PRKD2: variants seen among roughly 807,000 people sequenced by gnomAD.
PRKD2 encodes the protein serine/threonine-protein kinase D2.
Under a neutral mutation model 86.0 loss-of-function variants are expected in PRKD2, and 22 were observed. The ratio of observed to expected loss-of-function variants is 0.26; its 90% CI spans 0.18 to 0.37. The LOEUF (loss-of-function observed/expected upper bound fraction) is 0.37. Ranked by LOEUF, PRKD2 falls within the 10% of genes least tolerant of loss-of-function variation. The probability of loss-of-function intolerance (pLI) is 1.00; values close to 1 mark genes in which losing one functional copy is unlikely to be tolerated. For missense variants in PRKD2, 818 were observed against 1,199.2 expected, an observed-to-expected ratio of 0.68 and a Z score of 4.70; for synonymous variants, 509 against 510.9, an observed-to-expected ratio of 1.00 and a Z score of 0.05.
intron 16 of PRKD2, among the ~76,000 whole-genome samples, chr19:46,677,868 C>T (rs762604221): frequency 9.9e-5 from 15 of 152,160 alleles, no homozygotes; most frequent in African/African-American, 1.4e-4. Context: ...GTCACTGAAC[C>T]GACCCCAGGC....
At chr19:46,703,956 A>AC (rs1491035876) in intron 5 of PRKD2, among the ~76,000 whole-genome samples, 947 of 44,070 alleles carry the variant, frequency 0.021, 8 homozygotes, top group African/African-American at 0.096. Flanking sequence ...AAAAACAACA[A>AC]CAACACACAC....
chr19:46,710,831 C>A, intron 3 of PRKD2, 76 bp downstream of exon 3: 2 of 1,433,614 alleles, frequency 1.4e-6, no homozygotes, highest in Non-Finnish European at 9.3e-7. Flanking sequence ...ACGCTGTCCC[C>A]GTGCCAGGAC....
Position 46,697,205 on chromosome 19 carries a change from G to C in PRKD2, c.1269C>G (p.Cys423Trp). 6.3e-7 allele frequency: 1 copy of C among 1,599,798 alleles called. No individual in the cohort carries two copies. Among genetic ancestry groups the C allele is most frequent in the Non-Finnish European group, 8.6e-7 (1 of 1,167,268 alleles). ...TGTTCTGGAAGAGCGTGATACACTT[G>C]CAGTCCAGGCGCCAATAGTGCCGCT... ...LRKRHYWRLD[C>W]KCITLFQNNT... is the part of the protein sequence containing the mutation. Residue 423 changes from cysteine (C) to tryptophan (W), a missense_variant, in exon 9 of 18, where the codon TGC becomes TGG. Physicochemically the swap from Cys to Trp is radical, Grantham distance 215. Coordinates refer to ENST00000291281, the MANE Select transcript of PRKD2 (RefSeq NM_016457.5).
At chr19:46,684,397 C>T (rs1049134799) in intron 14 of PRKD2, among the ~76,000 whole-genome samples, 1 of 152,140 alleles carries the variant, frequency 6.6e-6, no homozygotes, top group Non-Finnish European at 1.5e-5. Flanking sequence ...CCTCGACTCA[C>T]CACAAATTCC....
intron 12 of PRKD2, 118 bp from the exon 13 acceptor site, chr19:46,690,824 G>T: frequency 1.1e-6 from 1 of 873,776 alleles, no homozygotes; most frequent in Non-Finnish European, 1.8e-6. Context: ...GAGTTGGGCA[G>T]AGTTGGAAGG....
At chr19:46,702,686 ATTT>A (rs201090562) in intron 5 of PRKD2, among the ~76,000 whole-genome samples, 1 of 147,936 alleles carries the variant, frequency 6.8e-6, no homozygotes, top group Admixed American at 6.8e-5. Context: ...AGGTTCTAGA[ATTT>A]TTTTTTTTCT....
intron 2 of PRKD2, among the ~76,000 whole-genome samples, chr19:46,711,406 GTGTT>G (rs2053807217): frequency 6.6e-6 from 1 of 152,048 alleles, no homozygotes; most frequent in Non-Finnish European, 1.5e-5. Flanking sequence ...TTTTTTGTTT[GTGTT>G]TGTTAGAGAG....
At chr19:46,679,243 T>C (rs2053259503) in intron 15 of PRKD2, among the ~76,000 whole-genome samples, 1 of 152,016 alleles carries the variant, frequency 6.6e-6, no homozygotes, top group African/African-American at 2.4e-5. Context: ...GGCAGGAGAA[T>C]CGCCTGAACC....
At chr19:46,711,832 C>T (rs2053813394) in intron 2 of PRKD2, among the ~76,000 whole-genome samples, 2 of 152,054 alleles carry the variant, frequency 1.3e-5, no homozygotes, top group African/African-American at 4.8e-5. Flanking sequence ...CTTTGGGAGG[C>T]CCAGGTGGGC....
intron 12 of PRKD2, 51 bp downstream of exon 12, chr19:46,691,684 A>G (rs1243383107): frequency 6.4e-7 from 1 of 1,565,264 alleles, no homozygotes; most frequent in Non-Finnish European, 8.8e-7. Flanking sequence ...GAGCCACAGC[A>G]GCTTCCCCCA....
In PRKD2 at chr19:46,700,688, G is replaced by A. The variant is rs574128486; in HGVS notation, c.1121+111C>T. ...TTTAAAAGGTTTGCCTCAGGAACTG[G>A]GAAAATTTATAAATATGAGGTGATG... On this transcript the variant is annotated intron_variant, in intron 7 of 17. Coordinates refer to ENST00000291281, the MANE Select transcript of PRKD2 (RefSeq NM_016457.5). The A allele has an allele frequency of 3.6e-6, 5 of 1,395,584 alleles. No homozygotes were observed. In the African/African-American group the frequency reaches 7.2e-5, roughly 20 times the overall value. The allele number at this position is 1,395,584 out of a possible 1,614,324, so 86.5% of individuals were successfully genotyped here.
Position 46,693,813 on chromosome 19 carries a change from C to A in PRKD2, c.1576+62G>T. ...CTTTCCTCTTTGGCCCTTCCATTCC[C>A]CAGAACCGTGCCCCACCCATCTAGA... On this transcript the variant is annotated intron_variant, in intron 10 of 17. Transcript: ENST00000291281. This position sits in a 1 kb window ranked among gnomAD's most constrained non-coding sequence, Gnocchi z 4.5. The A allele has an allele frequency of 6.5e-7, 1 of 1,527,460 alleles. No homozygotes were observed. The highest frequency in any genetic ancestry group is 8.8e-7 in the Non-Finnish European group (1 of 1,140,488). 94.6% of individuals were successfully genotyped at this position (1,527,460 alleles called of 1,614,324 possible).
intron 14 of PRKD2, among the ~76,000 whole-genome samples, chr19:46,687,821 T>C (rs2053423203): frequency 6.6e-6 from 1 of 152,178 alleles, no homozygotes. Context: ...GAGTGTTTGT[T>C]GACCAACTGA....
intron 9 of PRKD2, among the ~76,000 whole-genome samples, chr19:46,696,074 A>C (rs914426704): frequency 1.3e-5 from 2 of 152,120 alleles, no homozygotes; most frequent in African/African-American, 4.8e-5. Flanking sequence ...CATGATCTCA[A>C]GTGATCCGCC....
At chr19:46,713,404 A>G (rs900047801) in intron 2 of PRKD2, among the ~76,000 whole-genome samples, 19 of 151,856 alleles carry the variant, frequency 1.3e-4, no homozygotes, top group Non-Finnish European at 1.0e-4. Context: ...TCCCCCTTCT[A>G]ACTACTGCAC....
At position 46,674,658 on chromosome 19, in the gene PRKD2, G is replaced by A. The variant is rs138656141; in HGVS notation, c.2502C>T (p.Asp834=). 4.3e-4 allele frequency: 698 copies of A among 1,606,678 alleles called. 3 individuals are homozygous for A. The African/African-American group carries it at 8.4e-3, about 19-fold the overall frequency. Residue 834 remains aspartate (D), a synonymous_variant, in exon 18 of 18, where the codon GAC becomes GAT. Coordinates refer to ENST00000291281, the MANE Select transcript of PRKD2 (RefSeq NM_016457.5). ...GERYITHESD[D]ARWEQFAAEH... ...CTGCTGCAAACTGCTCCCAGCGCGCGTCGTCACTCTCATGCGTGATGTATC... is the reference window on the plus strand; with the variant it reads ...CTGCTGCAAACTGCTCCCAGCGCGCATCGTCACTCTCATGCGTGATGTATC...
chr19:46,694,330 C>T (rs1200958650), intron 9 of PRKD2, among the ~76,000 whole-genome samples, 197 bp from the exon 10 acceptor site: 1 of 152,200 alleles, frequency 6.6e-6, no homozygotes, highest in Admixed American at 6.6e-5. Flanking sequence ...TGCGGTGGCT[C>T]ATGCCTGTAA....
intron 14 of PRKD2, chr19:46,686,302 C>T (rs769173188): frequency 6.6e-6 from 1 of 151,566 alleles, no homozygotes; most frequent in African/African-American, 2.4e-5. Flanking sequence ...CCCAGGAGTT[C>T]GAGACCCAAC....
chr19:46,690,468 A>T, intron 13 of PRKD2, 132 bp downstream of exon 13: 1 of 746,230 alleles, frequency 1.3e-6, no homozygotes, highest in South Asian at 1.6e-5. Context: ...TCCCTCTGCT[A>T]AGAACACCTT....
Sources: allele counts gnomAD v4.1 joint callset (sites outside exome capture counted in the v4.1 genomes callset), GRCh38; gene constraint gnomAD v4.1.1; non-coding constraint Gnocchi (gnomAD v3.1); transcripts MANE v1.5; gene names NCBI Gene and HGNC (gene_info 2026-07-23, HGNC 2026-07-21).